Variants in AARS2 observed in about 807,000 individuals in gnomAD.
The protein encoded by AARS2 is alanyl-tRNA synthetase 2, mitochondrial.
A neutral mutation model predicts 119.7 loss-of-function variants in AARS2; 78 were observed. The ratio of observed to expected loss-of-function variants is 0.65; its 90% CI spans 0.54 to 0.79. The LOEUF (loss-of-function observed/expected upper bound fraction) is 0.79, where lower values mean the gene tolerates loss of function less well. Among genes scored for constraint, AARS2 ranks in the 30% least tolerant of loss-of-function variants. The probability of loss-of-function intolerance (pLI) is 0.00; values close to 1 mark genes in which losing one functional copy is unlikely to be tolerated. For synonymous variants in AARS2, 502 were observed against 526.3 expected (o/e 0.95, Z 0.63); for missense variants, 1,157 against 1,291.3 (o/e 0.90, Z 1.59).
chr6:44,305,248 G>T lies in AARS2; in HGVS notation c.1435-50C>A, dbSNP rs756416944. The T allele has an allele frequency of 1.9e-6, 3 of 1,602,942 alleles. No homozygotes were observed. The highest frequency in any genetic ancestry group is 2.2e-5 in the South Asian group (2 of 90,968). On this transcript the variant is annotated intron_variant, in intron 10 of 21. Coordinates refer to ENST00000244571, the MANE Select transcript of AARS2 (RefSeq NM_020745.4). The surrounding 1 kb of genome is among the most constrained non-coding windows in gnomAD (Gnocchi z 4.6). Reference sequence around the variant, plus strand: ...AGAAGTGCATGGAGAATGAAAGAATGAAAGTGGGACTTCAGCCTCGCAGGG... The same window carrying T: ...AGAAGTGCATGGAGAATGAAAGAATTAAAGTGGGACTTCAGCCTCGCAGGG...
intron 2 of AARS2, among the ~76,000 whole-genome samples, chr6:44,311,836 G>A (rs902356285): frequency 6.6e-6 from 1 of 152,156 alleles, no homozygotes; most frequent in Non-Finnish European, 1.5e-5. Context: ...CCTTAGCATT[G>A]CTGTTTGACC....
chr6:44,301,533 G>T, intron 19 of AARS2, 69 bp from the exon 20 acceptor site: 1 of 1,416,610 alleles, frequency 7.1e-7, no homozygotes, highest in Non-Finnish European at 9.9e-7. Flanking sequence ...CCCAACTTCT[G>T]AACTAAGCCC....
intron 2 of AARS2, 78 bp downstream of exon 2, chr6:44,311,994 C>T: frequency 1.3e-6 from 2 of 1,558,848 alleles, no homozygotes; most frequent in South Asian, 2.2e-5. Flanking sequence ...GTATGAGGCC[C>T]TGCCTAAGCA....
rs1009877683 is a variant in AARS2 at position 44,302,717 on chromosome 6, G to A, written c.2364+85C>T. The A allele has an allele frequency of 1.2e-5, 18 of 1,477,974 alleles. No individual in the cohort carries two copies. The African/African-American group carries it at 2.5e-4, about 21-fold the overall frequency. The allele number at this position is 1,477,974 out of a possible 1,614,324, so 91.6% of individuals were successfully genotyped here. On this transcript the variant is annotated intron_variant, in intron 17 of 21. Coordinates refer to ENST00000244571, the MANE Select transcript of AARS2 (RefSeq NM_020745.4). Reference sequence around the variant, plus strand: ...AGTATGAACACTGGCTCTGCTGCTGGGCACCCCTGAGCCTGAGCATGTCAC... The same window carrying A: ...AGTATGAACACTGGCTCTGCTGCTGAGCACCCCTGAGCCTGAGCATGTCAC...
intron 17 of AARS2, 83 bp downstream of exon 17, chr6:44,302,719 C>G (rs1021271301): frequency 6.8e-7 from 1 of 1,479,894 alleles, no homozygotes; most frequent in Non-Finnish European, 9.3e-7. Context: ...TGCTGCTGGG[C>G]ACCCCTGAGC....
In AARS2 at chr6:44,304,255, T is replaced by A; in HGVS notation, c.1933A>T (p.Thr645Ser). The A allele has an allele frequency of 6.2e-7, 1 of 1,614,140 alleles. No individual in the cohort carries two copies. Among genetic ancestry groups the A allele is most frequent in the Non-Finnish European group, 8.5e-7 (1 of 1,180,016 alleles). Residue 645 changes from threonine to serine, a missense_variant, in exon 14 of 22, where the codon ACC becomes TCC. By Grantham distance (58) the Thr-to-Ser change is moderately conservative. Coordinates refer to ENST00000244571, the MANE Select transcript of AARS2 (RefSeq NM_020745.4). ...THLLNWALRQ[T>S]LGPGTEQQGS... Reference sequence around the variant, plus strand: ...TGCTGCTCTGTGCCAGGGCCCAGGGTCTGCCTCAGTGCCCAGTTCAGCAGG... The same window carrying A: ...TGCTGCTCTGTGCCAGGGCCCAGGGACTGCCTCAGTGCCCAGTTCAGCAGG...
chr6:44,304,160 G>A, intron 14 of AARS2, 21 bp downstream of exon 14: 1 of 1,612,536 alleles, frequency 6.2e-7, no homozygotes, highest in Non-Finnish European at 8.5e-7. Context: ...CATGAAGCCT[G>A]TCTTTCTATG....
At position 44,312,375 on chromosome 6, in the gene AARS2, CCT is replaced by C. The variant is rs1320388024; in HGVS notation, c.244-114_244-113del. On this transcript the variant is annotated intron_variant, in intron 1 of 21. Coordinates refer to ENST00000244571, the MANE Select transcript of AARS2 (RefSeq NM_020745.4). ...GTTCAGACCGAAGGCTGACTGTGCC[CCT>C]GAGAGTGCAGTGTAATCTTGGTCTA... 18 of 1,085,012 alleles carry C rather than the reference CCT, an allele frequency of 1.7e-5. No individual in the cohort carries two copies. The Admixed American group carries it at 2.9e-4, about 17-fold the overall frequency. 67.2% of individuals were successfully genotyped at this position (1,085,012 alleles called of 1,614,324 possible).
rs1786252044 is a variant in AARS2 at position 44,310,452 on chromosome 6, G to A, written c.750-9C>T. ...GGCTTCCATCTGCCTCTCTGGCCAG[G>A]GAAGGTGTGCAAGGTGAGGCCCCAC... On this transcript the variant is annotated splice_polypyrimidine_tract_variant and intron_variant, in intron 4 of 21. Transcript: ENST00000244571. 5 of 1,613,064 alleles carry A rather than the reference G, an allele frequency of 3.1e-6. No individual in the cohort carries two copies. The highest frequency in any genetic ancestry group is 4.2e-6 in the Non-Finnish European group (5 of 1,179,908).
intron 5 of AARS2, among the ~76,000 whole-genome samples, chr6:44,309,531 CAT>C (rs1786171004): frequency 6.6e-6 from 1 of 152,212 alleles, no homozygotes; most frequent in African/African-American, 2.4e-5. Context: ...GTTTTTGGCA[CAT>C]GTCAAGCCCT....
rs575049866 is a variant in AARS2 at position 44,310,985 on chromosome 6, C to T, written c.749+9G>A. 4 of 1,613,826 alleles carry T rather than the reference C, an allele frequency of 2.5e-6. No homozygotes were observed. The East Asian group carries it at 6.7e-5, about 27-fold the overall frequency. ...CAGGGATTCTCATCCTGCTTCAGCACCCTATTACCTGTTGTGTTGCATGAA... is the reference window on the plus strand; with the variant it reads ...CAGGGATTCTCATCCTGCTTCAGCATCCTATTACCTGTTGTGTTGCATGAA... On this transcript the variant is annotated intron_variant, in intron 4 of 21. Coordinates refer to ENST00000244571, the MANE Select transcript of AARS2 (RefSeq NM_020745.4).
Position 44,307,416 on chromosome 6 carries a change from C to G in AARS2, c.895-22G>C, listed in dbSNP as rs765628992. On this transcript the variant is annotated intron_variant, in intron 5 of 21. Coordinates refer to ENST00000244571, the MANE Select transcript of AARS2 (RefSeq NM_020745.4). The surrounding 1 kb of genome is among the most constrained non-coding windows in gnomAD (Gnocchi z 4.4). ...AGCCCTGGGAAGCAGAAGAGTCAGC[C>G]AGTGGCCCTGCCTGACCTGGCCCAG... 14 of 1,586,824 alleles carry G rather than the reference C, an allele frequency of 8.8e-6. No individual in the cohort carries two copies. The South Asian group carries it at 1.6e-4, about 18-fold the overall frequency.
chr6:44,310,432 C>T lies in AARS2; in HGVS notation c.761G>A (p.Gly254Glu). The T allele has an allele frequency of 6.2e-7, 1 of 1,613,706 alleles. No homozygotes were observed. Among genetic ancestry groups the T allele is most frequent in the Non-Finnish European group, 8.5e-7 (1 of 1,179,926 alleles). ...CCGCTGGGGCAGGGGCTGCAGGCTT[C>T]CATCTGCCTCTCTGGCCAGGGAAGG... ...VFMQHNREAD[G>E]SLQPLPQRHV... The change falls in exon 5 of 22, where the codon GGA becomes GAA. Residue 254 changes from glycine (G) to glutamate (E), a missense_variant. By Grantham distance (98) the Gly-to-Glu change is moderately conservative. Coordinates refer to ENST00000244571, the MANE Select transcript of AARS2 (RefSeq NM_020745.4).
At position 44,299,692 on chromosome 6, in the gene AARS2, A is replaced by C. The variant is rs1785202095; in HGVS notation, c.*855T>G. 1.3e-5 allele frequency: 2 copies of C among 152,152 alleles called. No individual in the cohort carries two copies. Among genetic ancestry groups the C allele is most frequent in the South Asian group, 4.2e-4 (2 of 4,818 alleles). The allele number at this position is 152,152 out of a possible 1,614,324, so 9.4% of individuals were successfully genotyped here. A position where few individuals can be genotyped will look rare whatever the true frequency, so the allele number is the denominator to read the frequency against. On this transcript the variant is annotated 3_prime_UTR_variant, in exon 22 of 22. Transcript: ENST00000244571. ...TCAACAAACCAGCAGGGCCCAATTTAAATTAGAGGTCATTGTTAATGAAAG... is the reference window on the plus strand; with the variant it reads ...TCAACAAACCAGCAGGGCCCAATTTCAATTAGAGGTCATTGTTAATGAAAG...
At chr6:44,311,726 T>G (rs1049416359) in intron 2 of AARS2, among the ~76,000 whole-genome samples, 191 bp from the exon 3 acceptor site, 6 of 152,230 alleles carry the variant, frequency 3.9e-5, no homozygotes, top group Non-Finnish European at 4.4e-5. Context: ...TTCCCCCTTC[T>G]TCTAAGTCCT....
At position 44,304,730 on chromosome 6, in the gene AARS2, C is replaced by A. The variant is rs756253793; in HGVS notation, c.1667G>T (p.Gly556Val). The A allele has an allele frequency of 1.4e-5, 23 of 1,614,114 alleles. No individual in the cohort carries two copies. Among genetic ancestry groups the A allele is most frequent in the African/African-American group, 8.0e-5 (6 of 74,942 alleles). The change falls in exon 12 of 22, where the codon GGC becomes GTC. Residue 556 changes from glycine to valine, a missense_variant. By Grantham distance (109) the Gly-to-Val change is moderately radical (BLOSUM62 -3). Coordinates refer to ENST00000244571, the MANE Select transcript of AARS2 (RefSeq NM_020745.4). ...GAAGTTGGTCCTGTCCAAGAGGAGG[C>A]CACAGCGCTGGCCTTTCCCCACGGA... is the stretch of plus-strand genomic sequence containing the variant. ...VASVGKGQRC[G>V]LLLDRTNFYA... is the part of the protein sequence containing the mutation.
Position 44,305,343 on chromosome 6 carries a change from G to A in AARS2, c.1435-145C>T. On this transcript the variant is annotated intron_variant, in intron 10 of 21. Transcript: ENST00000244571. The surrounding 1 kb of genome is among the most constrained non-coding windows in gnomAD (Gnocchi z 4.6). ...ATAAGAACTCAGGGCTTGGCTGGCT[G>A]CTAGAGCCCCTGAGCTGGTTGAACC... 7.5e-7 allele frequency: 1 copy of A among 1,338,914 alleles called. No homozygotes were observed. Among genetic ancestry groups the A allele is most frequent in the Non-Finnish European group, 1.0e-6 (1 of 963,152 alleles). 82.9% of individuals were successfully genotyped at this position (1,338,914 alleles called of 1,614,324 possible).
chr6:44,313,167 G>C lies in AARS2; in HGVS notation c.157C>G (p.Arg53Gly), dbSNP rs773551792. The stretch of plus-strand genomic sequence containing the variant: ...GAGGGCACCAGCCGGTGGCCATGGC[G>C]GTCCCGAAAGAAGTTCAGAAAGGCG... ...RAAFLNFFRDRHGHRLVPSAS... is the reference protein window; with the variant it reads ...RAAFLNFFRDGHGHRLVPSAS... The change falls in exon 1 of 22, where the codon CGC becomes GGC. Residue 53 changes from arginine (R) to glycine (G), a missense_variant. Physicochemically the swap from Arg to Gly is moderately radical, Grantham distance 125. Coordinates refer to ENST00000244571, the MANE Select transcript of AARS2 (RefSeq NM_020745.4). The C allele has an allele frequency of 6.2e-7, 1 of 1,612,968 alleles. No homozygotes were observed. The highest frequency in any genetic ancestry group is 1.1e-5 in the South Asian group (1 of 90,958).
chr6:44,306,988 T>A lies in AARS2; in HGVS notation c.1084A>T (p.Met362Leu), dbSNP rs147091256. The A allele has an allele frequency of 3.4e-4, 553 of 1,613,898 alleles. 2 individuals are homozygous for A. The African/African-American group carries it at 6.1e-3, about 18-fold the overall frequency. ...RILRRAVRFS[M>L]EILKAPPGFL... ...CCAGGTGGTGCCTTTAAGATCTCCATGGAGAAACGCACAGCTCGACGCAGG... is the reference window on the plus strand; with the variant it reads ...CCAGGTGGTGCCTTTAAGATCTCCAAGGAGAAACGCACAGCTCGACGCAGG... Residue 362 changes from methionine to leucine, a missense_variant, in exon 7 of 22, where the codon ATG becomes TTG. Transcript: ENST00000244571.
Sources: allele counts gnomAD v4.1 joint callset (sites outside exome capture counted in the v4.1 genomes callset), GRCh38; gene constraint gnomAD v4.1.1; non-coding constraint Gnocchi (gnomAD v3.1); transcripts MANE v1.5; gene names NCBI Gene and HGNC (gene_info 2026-07-23, HGNC 2026-07-21).